The following PARD3B variants were observed in gnomAD, a reference collection of about 807,000 sequenced individuals.
The protein encoded by PARD3B is partitioning defective 3 homolog B.
A neutral mutation model predicts 130.2 loss-of-function variants in PARD3B; 103 were observed. That is an observed-to-expected ratio of 0.79 (90% CI 0.67 to 0.93). The LOEUF (loss-of-function observed/expected upper bound fraction) is 0.93, where lower values mean the gene tolerates loss of function less well. PARD3B is among the 40% of genes least tolerant of loss of function. The pLI is 0.00. For missense variants in PARD3B, 1,609 were observed against 1,499.2 expected (o/e 1.07, Z -1.21); for synonymous variants, 583 against 553.2 (o/e 1.05, Z -0.76).
chr2:205,054,825 C>A (rs947839584), intron 4 of PARD3B, among the ~76,000 whole-genome samples: 2 of 152,086 alleles, frequency 1.3e-5, no homozygotes, highest in Non-Finnish European at 2.9e-5. Flanking sequence ...AGCAGTTAAA[C>A]AGCCCTAGCA....
intron 2 of PARD3B, among the ~76,000 whole-genome samples, chr2:204,940,859 A>G (rs979382782): frequency 3.3e-5 from 5 of 152,136 alleles, no homozygotes; most frequent in Non-Finnish European, 5.9e-5. Flanking sequence ...ACCACTGTCA[A>G]TAAGATAGTG....
rs1289951332 is a variant in PARD3B at position 204,553,673 on chromosome 2, T to C, written c.120+7554T>C. ...ATCCATATATATATATATATATATATATATATATATATATATATATATACA... is the reference window on the plus strand; with the variant it reads ...ATCCATATATATATATATATATATACATATATATATATATATATATATACA... On this transcript the variant is annotated intron_variant, in intron 1 of 22. Transcript: ENST00000406610. Among the ~76,000 whole-genome samples, 80 of 118,186 alleles carry C rather than the reference T, an allele frequency of 6.8e-4. 1 individual carries two copies. The highest frequency in any genetic ancestry group is 3.1e-3 in the African/African-American group (77 of 24,826). The allele number at this position is 118,186 out of a possible 152,430, so 77.5% of individuals were successfully genotyped here.
In PARD3B at chr2:205,421,146, A is replaced by G. The variant is rs1166463023; in HGVS notation, c.2742-19224A>G. On this transcript the variant is annotated intron_variant, in intron 19 of 22. Coordinates refer to ENST00000406610, the MANE Select transcript of PARD3B (RefSeq NM_001302769.2). The surrounding 1 kb of genome is among the most constrained non-coding windows in gnomAD (Gnocchi z 5.1). ...CTCCATCTCAAAAAACAAAAAAAAC[A>G]AAACAAAAAAAACGGAAAAGAAAAT... Among the ~76,000 whole-genome samples the G allele has an allele frequency of 6.6e-6, 1 of 151,484 alleles. No homozygotes were observed. The highest frequency in any genetic ancestry group is 1.5e-5 in the Non-Finnish European group (1 of 67,904).
chr2:205,185,642 T>C, intron 13 of PARD3B, 122 bp from the exon 14 acceptor site: 1 of 707,792 alleles, frequency 1.4e-6, no homozygotes, highest in Non-Finnish European at 2.5e-6. Flanking sequence ...TGAGAACTTA[T>C]TTATTTCAGG....
At chr2:204,746,772 A>T (rs1247488637) in intron 2 of PARD3B, among the ~76,000 whole-genome samples, 1 of 152,156 alleles carries the variant, frequency 6.6e-6, no homozygotes, top group African/African-American at 2.4e-5. Flanking sequence ...GGCTGCATAA[A>T]TGTCTTCTTT....
chr2:204,646,782 T>A (rs1217832234), intron 1 of PARD3B, among the ~76,000 whole-genome samples: 1 of 152,044 alleles, frequency 6.6e-6, no homozygotes, highest in Non-Finnish European at 1.5e-5. Context: ...CAGCTGCTCC[T>A]TTATAATGGG....
intron 4 of PARD3B, among the ~76,000 whole-genome samples, chr2:205,077,443 C>A (rs1701137307): frequency 6.6e-6 from 1 of 152,086 alleles, no homozygotes; most frequent in Non-Finnish European, 1.5e-5. Flanking sequence ...AGTAACAATT[C>A]AGTCATACCC....
At chr2:205,404,610 T>C (rs2046358213) in intron 19 of PARD3B, among the ~76,000 whole-genome samples, 1 of 152,194 alleles carries the variant, frequency 6.6e-6, no homozygotes, top group Non-Finnish European at 1.5e-5. Flanking sequence ...ATGAGATCAA[T>C]ATACGATAAA....
intron 10 of PARD3B, among the ~76,000 whole-genome samples, chr2:205,148,736 A>T (rs538873791): frequency 3.6e-4 from 54 of 150,318 alleles, no homozygotes; most frequent in African/African-American, 1.0e-3. Flanking sequence ...TCTTTTTTTA[A>T]AAAAAAAAAG....
intron 3 of PARD3B, among the ~76,000 whole-genome samples, chr2:205,006,750 A>C (rs1346690509): frequency 6.6e-6 from 1 of 152,014 alleles, no homozygotes; most frequent in African/African-American, 2.4e-5. Context: ...TATTTTCTCC[A>C]ACTCCATGGG....
intron 1 of PARD3B, among the ~76,000 whole-genome samples, chr2:204,613,860 T>C (rs1231737186): frequency 6.6e-6 from 1 of 152,160 alleles, no homozygotes; most frequent in East Asian, 1.9e-4. Flanking sequence ...TTATTTATTT[T>C]TTCTTTTTAT....
rs1009045235 is a variant in PARD3B, at chr2:205,473,637, A to C, written c.3045-26259A>C. On this transcript the variant is annotated intron_variant, in intron 20 of 22. Coordinates refer to ENST00000406610, the MANE Select transcript of PARD3B (RefSeq NM_001302769.2). This position sits in a 1 kb window ranked among gnomAD's most constrained non-coding sequence, Gnocchi z 4.9. ...AATGCTTCTTTCTTCTATGTTTCCC[A>C]ATATAAGGTTATATATATGTGTGTG... Among the ~76,000 whole-genome samples, 3 of 144,960 alleles carry C rather than the reference A, an allele frequency of 2.1e-5. No individual in the cohort carries two copies. The highest frequency in any genetic ancestry group is 4.5e-5 in the Non-Finnish European group (3 of 66,414).
intron 3 of PARD3B, among the ~76,000 whole-genome samples, chr2:205,028,638 C>T (rs1697202979): frequency 6.6e-6 from 1 of 152,084 alleles, no homozygotes; most frequent in Non-Finnish European, 1.5e-5. Context: ...ATGTCCATCT[C>T]TCACCACTTC....
intron 20 of PARD3B, among the ~76,000 whole-genome samples, chr2:205,476,236 T>C (rs1459831725): frequency 2.0e-5 from 3 of 152,206 alleles, no homozygotes; most frequent in African/African-American, 7.2e-5. Context: ...GCATGTAGGG[T>C]GAGCCACCAG....
At chr2:204,632,143 T>C (rs2034700429) in intron 1 of PARD3B, among the ~76,000 whole-genome samples, 1 of 152,112 alleles carries the variant, frequency 6.6e-6, no homozygotes, top group Admixed American at 6.5e-5. Flanking sequence ...TGAGATGTCA[T>C]GAAATCTAGT....
At chr2:204,587,330 G>C (rs527689620) in intron 1 of PARD3B, among the ~76,000 whole-genome samples, 3 of 152,226 alleles carry the variant, frequency 2.0e-5, no homozygotes, top group South Asian at 2.1e-4. Context: ...ATTTAAAACT[G>C]TGAGGGAATC....
At chr2:205,586,635 CATAT>C (rs947547218) in intron 22 of PARD3B, among the ~76,000 whole-genome samples, 1 of 151,560 alleles carries the variant, frequency 6.6e-6, no homozygotes, top group Non-Finnish European at 1.5e-5. Context: ...TTTTTATATA[CATAT>C]ATATAATTTC....
At chr2:205,226,465 T>C (rs1440100100) in intron 15 of PARD3B, among the ~76,000 whole-genome samples, 1 of 152,226 alleles carries the variant, frequency 6.6e-6, no homozygotes, top group Non-Finnish European at 1.5e-5. Flanking sequence ...CCTGATGTTT[T>C]CTTGTAGTAG....
At chr2:205,574,583 C>G (rs1005057302) in intron 22 of PARD3B, among the ~76,000 whole-genome samples, 2 of 152,066 alleles carry the variant, frequency 1.3e-5, no homozygotes, top group Non-Finnish European at 2.9e-5. Context: ...CAGTAAAACC[C>G]CCGTTTTCTA....
Sources: gnomAD v4.1 joint callset for allele counts (sites outside exome capture counted in the v4.1 genomes callset) on GRCh38, gnomAD v4.1.1 for gene constraint, Gnocchi (gnomAD v3.1) non-coding constraint, MANE v1.5 for transcripts, NCBI Gene and HGNC (gene_info 2026-07-23, HGNC 2026-07-21) for gene names.